The following ANO4 variants were observed in gnomAD, a reference collection of about 807,000 sequenced individuals.
The protein encoded by ANO4 is anoctamin 4.
ANO4 carries 69 observed loss-of-function variants against 141.9 expected under a neutral mutation model. The observed-to-expected ratio is 0.49, with a 90% confidence interval of 0.40 to 0.59. The LOEUF (loss-of-function observed/expected upper bound fraction) is 0.59. ANO4 is among the 20% of genes least tolerant of loss of function. The pLI is 0.00. For synonymous variants in ANO4, 350 were observed against 394.3 expected (o/e 0.89, Z 1.33); for missense variants, 894 against 1,162.2 (o/e 0.77, Z 3.36).
At chr12:101,013,425 G>A (rs1276494572) in intron 8 of ANO4, among the ~76,000 whole-genome samples, 1 of 152,146 alleles carries the variant, frequency 6.6e-6, no homozygotes, top group Admixed American at 6.5e-5. Flanking sequence ...AAGTGGAAGA[G>A]CAGGGCTTGA....
intron 14 of ANO4, among the ~76,000 whole-genome samples, chr12:101,057,006 C>G (rs1204422040): frequency 2.0e-5 from 3 of 151,036 alleles, no homozygotes; most frequent in Non-Finnish European, 2.9e-5. Context: ...CCTCCCCGAT[C>G]CCCCTATCCC....
intron 14 of ANO4, among the ~76,000 whole-genome samples, chr12:101,073,304 C>T (rs1215101917): frequency 6.6e-6 from 1 of 152,080 alleles, no homozygotes; most frequent in Non-Finnish European, 1.5e-5. Flanking sequence ...CCATCATTCT[C>T]AGCAAACTGT....
At chr12:101,095,800 A>G (rs2049958990) in intron 18 of ANO4, among the ~76,000 whole-genome samples, 1 of 152,204 alleles carries the variant, frequency 6.6e-6, no homozygotes, top group Non-Finnish European at 1.5e-5. Context: ...TTCATTCGAC[A>G]TGAGATCTCT....
At chr12:100,801,772 A>C (rs1430639690) in intron 1 of ANO4, among the ~76,000 whole-genome samples, 1 of 152,010 alleles carries the variant, frequency 6.6e-6, no homozygotes, top group African/African-American at 2.4e-5. Flanking sequence ...GGGAAGGTGG[A>C]AAATGCAAGG....
At chr12:100,778,299 G>T (rs991969281) in intron 3 of ANO4, among the ~76,000 whole-genome samples, 1 of 152,084 alleles carries the variant, frequency 6.6e-6, no homozygotes, top group Admixed American at 6.6e-5. Context: ...AATACCTTTT[G>T]TGACAAGTGG....
chr12:100,954,704 G>C lies in ANO4; in HGVS notation c.456+12169G>C, dbSNP rs528250882. On this transcript the variant is annotated intron_variant, in intron 5 of 27. Coordinates refer to ENST00000392977, the MANE Select transcript of ANO4 (RefSeq NM_001286615.2). Reference sequence around the variant, plus strand: ...TACCCAGATGGTTTAAAAGTTGTAAGGTCTGAAATCTAACACCTGCCTTTG... The same window carrying C: ...TACCCAGATGGTTTAAAAGTTGTAACGTCTGAAATCTAACACCTGCCTTTG... Among the ~76,000 whole-genome samples the C allele has an allele frequency of 2.6e-5, 4 of 152,288 alleles. No individual in the cohort carries two copies. The East Asian group carries it at 5.8e-4, about 22-fold the overall frequency.
intron 1 of ANO4, among the ~76,000 whole-genome samples, chr12:100,875,195 G>GA (rs1452721364): frequency 2.0e-5 from 3 of 152,160 alleles, no homozygotes; most frequent in Non-Finnish European, 2.9e-5. Context: ...CTCAGTGTTG[G>GA]AGGAGGGACC....
At chr12:100,835,507 T>G (rs2036864545) in intron 1 of ANO4, among the ~76,000 whole-genome samples, 1 of 152,184 alleles carries the variant, frequency 6.6e-6, no homozygotes, top group Admixed American at 6.5e-5. Context: ...TGTTGTAAAG[T>G]ATTGACCACA....
At chr12:100,863,520 G>T (rs2038591952) in intron 1 of ANO4, among the ~76,000 whole-genome samples, 1 of 152,138 alleles carries the variant, frequency 6.6e-6, no homozygotes, top group Admixed American at 6.6e-5. Flanking sequence ...GCTTTCGGCT[G>T]AGTTCACTTA....
At position 100,747,227 on chromosome 12, in the gene ANO4, A is replaced by T. The variant is rs149458561; in HGVS notation, c.358+7122A>T. On this transcript the variant is annotated intron_variant, in intron 3 of 29. Coordinates refer to the ANO4 transcript ENST00000644049. ...CAGAAGTCTGGTACCCTAATCATTG[A>T]TAATGGGTTCATGGGTTTTAATGCA... Among the ~76,000 whole-genome samples the T allele has an allele frequency of 1.6e-4, 25 of 152,336 alleles. No homozygotes were observed. In the East Asian group the frequency reaches 4.6e-3, roughly 28 times the overall value.
chr12:101,006,482 A>G lies in ANO4; in HGVS notation c.735-13552A>G, dbSNP rs555477497. ...CTCTTCCTAAAGTAGGTACTTCCTC[A>G]AAACACTTGCACATGTGCATTTTGC... is the stretch of plus-strand genomic sequence containing the variant. On this transcript the variant is annotated intron_variant, in intron 8 of 27. Coordinates refer to ENST00000392977, the MANE Select transcript of ANO4 (RefSeq NM_001286615.2). Among the ~76,000 whole-genome samples, 11 of 152,370 alleles carry G rather than the reference A, an allele frequency of 7.2e-5. No homozygotes were observed. In the East Asian group the frequency reaches 1.2e-3, roughly 16 times the overall value.
In ANO4 at chr12:101,076,943, A is replaced by C. The variant is rs150937974; in HGVS notation, c.1313-2250A>C. On this transcript the variant is annotated intron_variant, in intron 14 of 27. Coordinates refer to ENST00000392977, the MANE Select transcript of ANO4 (RefSeq NM_001286615.2). ...CAAGCGTGCAGCAAAGAGTTAACAC[A>C]GCAGGCCTGCTTTAGAAAGGCCTGC... Among the ~76,000 whole-genome samples, 240 of 152,306 alleles carry C rather than the reference A, an allele frequency of 1.6e-3. 1 individual carries two copies. Among genetic ancestry groups the C allele is most frequent in the African/African-American group, 5.5e-3 (229 of 41,564 alleles).
intron 14 of ANO4, among the ~76,000 whole-genome samples, chr12:101,057,434 G>GT (rs1448076409): frequency 2.6e-5 from 4 of 152,084 alleles, no homozygotes; most frequent in African/African-American, 9.7e-5. Context: ...CACCACATTG[G>GT]TTTCCACAAT....
At chr12:101,046,343 C>T (rs1049782365) in intron 13 of ANO4, among the ~76,000 whole-genome samples, 1 of 152,142 alleles carries the variant, frequency 6.6e-6, no homozygotes, top group African/African-American at 2.4e-5. Context: ...GGAATACCAG[C>T]ACCTGTGGTG....
At chr12:100,840,828 G>C (rs2037202039) in intron 1 of ANO4, among the ~76,000 whole-genome samples, 1 of 152,060 alleles carries the variant, frequency 6.6e-6, no homozygotes, top group Non-Finnish European at 1.5e-5. Flanking sequence ...TTGGCCAAAG[G>C]CATCTATTAG....
At chr12:100,919,740 C>G (rs111444944) in intron 2 of ANO4, among the ~76,000 whole-genome samples, 7,370 of 64,070 alleles carry the variant, frequency 0.12, 347 homozygotes, top group African/African-American at 0.26. Context: ...ATGTATGTAT[C>G]TATCTATCTA....
chr12:100,731,553 G>T (rs537073110), intron 1 of ANO4, among the ~76,000 whole-genome samples: 1 of 152,218 alleles, frequency 6.6e-6, no homozygotes, highest in African/African-American at 2.4e-5. Flanking sequence ...GCTCACTCTT[G>T]GTTGTTGGGT....
intron 1 of ANO4, among the ~76,000 whole-genome samples, chr12:100,841,190 A>G (rs11110548): frequency 0.048 from 7,249 of 152,282 alleles, 233 homozygotes; most frequent in Middle Eastern, 0.095. Context: ...TCCCTGAGAT[A>G]CCACTGTCAT....
chr12:101,072,298 A>G (rs1265780262), intron 14 of ANO4, among the ~76,000 whole-genome samples: 1 of 152,192 alleles, frequency 6.6e-6, no homozygotes, highest in East Asian at 1.9e-4. Flanking sequence ...CAAAAATGAC[A>G]TATATCACTT....
Sources: allele counts gnomAD v4.1 joint callset (sites outside exome capture counted in the v4.1 genomes callset), GRCh38; gene constraint gnomAD v4.1.1; transcripts MANE v1.5; gene names NCBI Gene and HGNC (gene_info 2026-07-23, HGNC 2026-07-21).